IDUA: variants seen among roughly 807,000 people sequenced by gnomAD.
The protein encoded by IDUA is iduronidase alpha-L-.
A neutral mutation model predicts 68.9 loss-of-function variants in IDUA; 65 were observed. The ratio of observed to expected loss-of-function variants is 0.94; its 90% CI spans 0.77 to 1.16. The LOEUF is 1.16. Among genes scored for constraint, IDUA ranks in the 50% most tolerant of loss-of-function variants. The pLI, the probability that IDUA is intolerant of heterozygous loss-of-function variation, is 0.00. For synonymous variants in IDUA, 529 were observed against 433.6 expected (o/e 1.22, Z -2.73); for missense variants, 1,046 against 938.0 (o/e 1.12, Z -1.50).
chr4:989,601 G>A lies in IDUA; in HGVS notation c.299+1652G>A, dbSNP rs376019852. The A allele has an allele frequency of 5.0e-6, 8 of 1,601,940 alleles. No homozygotes were observed. Among genetic ancestry groups the A allele is most frequent in the Admixed American group, 1.7e-5 (1 of 58,598 alleles). On this transcript the variant is annotated intron_variant, in intron 2 of 13. Coordinates refer to ENST00000514224, the MANE Select transcript of IDUA (RefSeq NM_000203.5). The stretch of plus-strand genomic sequence containing the variant: ...GCAGGGCCCCCCGCAGGCTGACCAC[G>A]ATGACGCAGGCCAGCACGCTTCGCT...
intron 2 of IDUA, among the ~76,000 whole-genome samples, chr4:997,565 CGCGGCCCCA>C (rs979036372): frequency 1.1e-4 from 17 of 151,460 alleles, no homozygotes; most frequent in Admixed American, 7.2e-4. Flanking sequence ...GTGCGGCCGC[CGCGGCCCCA>C]GCGACACCCC....
intron 2 of IDUA, chr4:988,337 G>C (rs945968531): frequency 2.0e-5 from 22 of 1,093,032 alleles, no homozygotes; most frequent in Admixed American, 4.8e-5. Flanking sequence ...CACCCTGTGA[G>C]GGGGAGGCAC....
At chr4:995,542 C>T (rs1254619462) in intron 2 of IDUA, among the ~76,000 whole-genome samples, 2 of 152,198 alleles carry the variant, frequency 1.3e-5, no homozygotes, top group African/African-American at 4.8e-5. Context: ...GGCTGGAAGG[C>T]CAACCCGGCC....
rs369203782 is a variant in IDUA, at chr4:995,182, C to T, written c.300-5430C>T. On this transcript the variant is annotated intron_variant, in intron 2 of 13. Transcript: ENST00000514224. ...GCCTCAGCCGCCTGAGTAGTTGGGA[C>T]TACAGGCGTGTGCCACCACGCCCGG... Among the ~76,000 whole-genome samples the T allele has an allele frequency of 1.9e-3, 284 of 152,006 alleles. 3 individuals are homozygous for T. Among genetic ancestry groups the T allele is most frequent in the African/African-American group, 6.6e-3 (274 of 41,450 alleles).
Position 991,464 on chromosome 4 carries a change from G to T in IDUA, c.299+3515G>T, listed in dbSNP as rs1325853085. 1.2e-6 allele frequency: 2 copies of T among 1,612,474 alleles called. No homozygotes were observed. The highest frequency in any genetic ancestry group is 1.7e-5 in the Admixed American group (1 of 60,002). Reference sequence around the variant, plus strand: ...CGATGGCCTGCGGCACCAGGATGATGCCGATGACCAGCCCAGACATGACGT... The same window carrying T: ...CGATGGCCTGCGGCACCAGGATGATTCCGATGACCAGCCCAGACATGACGT... On this transcript the variant is annotated intron_variant, in intron 2 of 13. Transcript: ENST00000514224.
At chr4:1,000,858 T>C in intron 3 of IDUA, 24 bp from the exon 4 acceptor site, 1 of 1,591,632 alleles carries the variant, frequency 6.3e-7, no homozygotes, top group East Asian at 2.2e-5. Context: ...TGGTGGGCGG[T>C]GGGGCAGCCC....
Position 1,003,401 on chromosome 4 carries a change from C to T in IDUA, c.1581C>T (p.Arg527=), listed in dbSNP as rs748327468. ...CCGCCGGCGGCCGCCTGACCCTGCG[C>T]CCCGCGCTGCGGCTGCCGTCGCTTT... The part of the protein sequence containing the change: ...PLPAGGRLTL[R]PALRLPSLLL... Residue 527 remains arginine, a synonymous_variant, in exon 11 of 14, where the codon CGC becomes CGT. Transcript: ENST00000514224. 6.6e-6 allele frequency: 10 copies of T among 1,524,686 alleles called. 1 individual carries two copies. The South Asian group carries it at 9.6e-5, about 15-fold the overall frequency. The allele number at this position is 1,524,686 out of a possible 1,614,324, so 94.4% of individuals were successfully genotyped here.
At chr4:997,572 C>T (rs985754933) in intron 2 of IDUA, among the ~76,000 whole-genome samples, 1 of 151,374 alleles carries the variant, frequency 6.6e-6, no homozygotes, top group Non-Finnish European at 1.5e-5. Flanking sequence ...CGCCGCGGCC[C>T]CAGCGACACC....
rs774511066 is a variant in IDUA, at chr4:991,513, C to T, written c.299+3564C>T. ...GTCGCCTGCCAGGTACTCCCGCGGG[C>T]GGTACTGACGCAGCCAGCGCGTGGC... On this transcript the variant is annotated intron_variant, in intron 2 of 13. Coordinates refer to ENST00000514224, the MANE Select transcript of IDUA (RefSeq NM_000203.5). 3.7e-6 allele frequency: 6 copies of T among 1,608,216 alleles called. No individual in the cohort carries two copies. Among genetic ancestry groups the T allele is most frequent in the Admixed American group, 1.7e-5 (1 of 59,838 alleles).
rs374742908 is a variant in IDUA at position 994,507 on chromosome 4, G to A, written c.300-6105G>A. ...GGCTGGAGTACAGTGGCATGATCTC[G>A]GCTCACTGCAAGCTCTGTCTCCCGG... On this transcript the variant is annotated intron_variant, in intron 2 of 13. Coordinates refer to ENST00000514224, the MANE Select transcript of IDUA (RefSeq NM_000203.5). 4.1e-3 allele frequency among the ~76,000 whole-genome samples: 619 copies of A among 150,318 alleles called. 31 individuals are homozygous for A. The South Asian group carries it at 0.1, about 25-fold the overall frequency.
chr4:998,975 T>A (rs1814546), intron 2 of IDUA, among the ~76,000 whole-genome samples: 3 of 151,844 alleles, frequency 2.0e-5, no homozygotes, highest in African/African-American at 7.3e-5. Context: ...GAAGCCAAGG[T>A]GGGCGGATCA....
intron 2 of IDUA, among the ~76,000 whole-genome samples, chr4:994,523 T>C (rs544653232): frequency 4.6e-5 from 7 of 151,084 alleles, no homozygotes; most frequent in South Asian, 4.2e-4. Flanking sequence ...CTGCAAGCTC[T>C]GTCTCCCGGG....
rs952645529 is a variant in IDUA at position 993,925 on chromosome 4, A to G, written c.299+5976A>G. 1.2e-4 allele frequency among the ~76,000 whole-genome samples: 18 copies of G among 152,234 alleles called. 3 individuals carry two copies. Among genetic ancestry groups the G allele is most frequent in the East Asian group, 1.9e-4 (1 of 5,166 alleles). On this transcript the variant is annotated intron_variant, in intron 2 of 13. Coordinates refer to ENST00000514224, the MANE Select transcript of IDUA (RefSeq NM_000203.5). ...GTGGTGCTCACCGCCCAGGGCGAGG[A>G]CTGCCGGGGTCAAGGTGCCGTGACT...
intron 2 of IDUA, chr4:991,877 G>T (rs1028848891): frequency 3.5e-6 from 5 of 1,441,302 alleles, no homozygotes; most frequent in South Asian, 1.2e-5. Flanking sequence ...GGCAGCGCGG[G>T]CCCCAGCCCC....
At chr4:989,018 C>T (rs746260278) in intron 2 of IDUA, 15 of 1,587,044 alleles carry the variant, frequency 9.5e-6, no homozygotes, top group African/African-American at 1.3e-5. Flanking sequence ...AGGCTGATGC[C>T]CAGGGCCCCG....
chr4:998,614 C>T (rs1361640296), intron 2 of IDUA, among the ~76,000 whole-genome samples: 1 of 152,136 alleles, frequency 6.6e-6, no homozygotes, highest in Admixed American at 6.5e-5. Context: ...TTCCCTCAGG[C>T]CAGAAGCATC....
Position 1,002,724 on chromosome 4 carries a change from C to T in IDUA, c.1190-8C>T. ...CCCACGCGGCGACGGCCCCCCCCCGCCCCGCAGATGAGGAGCAGCTCTGGG... is the reference window on the plus strand; with the variant it reads ...CCCACGCGGCGACGGCCCCCCCCCGTCCCGCAGATGAGGAGCAGCTCTGGG... On this transcript the variant is annotated splice_region_variant and splice_polypyrimidine_tract_variant and intron_variant, in intron 8 of 13. Coordinates refer to ENST00000514224, the MANE Select transcript of IDUA (RefSeq NM_000203.5). The T allele has an allele frequency of 6.9e-7, 1 of 1,441,036 alleles. No individual in the cohort carries two copies. The highest frequency in any genetic ancestry group is 9.2e-7 in the Non-Finnish European group (1 of 1,085,128). The allele number at this position is 1,441,036 out of a possible 1,614,324, so 89.3% of individuals were successfully genotyped here.
At position 989,253 on chromosome 4, in the gene IDUA, C is replaced by G. The variant is rs199549367; in HGVS notation, c.299+1304C>G. 5.0e-6 allele frequency: 8 copies of G among 1,612,558 alleles called. No homozygotes were observed. In the African/African-American group the frequency reaches 1.1e-4, roughly 22 times the overall value. On this transcript the variant is annotated intron_variant, in intron 2 of 13. Transcript: ENST00000514224. ...CAGCCATGCACCCTGCGTCCAGCCC[C>G]GTGAGGCTGTAGAGTGACTGCAGGA...
At position 1,002,820 on chromosome 4, in the gene IDUA, C is replaced by T. The variant is rs890691785; in HGVS notation, c.1278C>T (p.Arg426=). 114 of 1,455,664 alleles carry T rather than the reference C, an allele frequency of 7.8e-5. No individual in the cohort carries two copies. Among genetic ancestry groups the T allele is most frequent in the Non-Finnish European group, 9.5e-5 (105 of 1,109,886 alleles). 90.2% of individuals were successfully genotyped at this position (1,455,664 alleles called of 1,614,324 possible). A position where few individuals can be genotyped will look rare whatever the true frequency, so the allele number is the denominator to read the frequency against. The change falls in exon 9 of 14, where the codon CGC becomes CGT. Residue 426 remains arginine, a synonymous_variant. Coordinates refer to ENST00000514224, the MANE Select transcript of IDUA (RefSeq NM_000203.5). ...HTVGVLASAH[R]PQGPADAWRA... is the part of the protein sequence containing the mutation. ...TGGGCGTCCTGGCCAGCGCCCACCG[C>T]CCCCAGGGCCCGGCCGACGCCTGGC...
Sources: allele counts gnomAD v4.1 joint callset (sites outside exome capture counted in the v4.1 genomes callset), GRCh38; gene constraint gnomAD v4.1.1; transcripts MANE v1.5; gene names NCBI Gene and HGNC (gene_info 2026-07-23, HGNC 2026-07-21).